Variants in FMN2 observed in about 807,000 individuals in gnomAD.
The protein encoded by FMN2 is formin 2.
FMN2 carries 51 observed loss-of-function variants against 142.3 expected under a neutral mutation model. That is an observed-to-expected ratio of 0.36 (90% CI 0.29 to 0.45). FMN2 has a LOEUF of 0.45. FMN2 is among the 20% of genes least tolerant of loss of function. FMN2 has a pLI of 1.00. For synonymous variants in FMN2, 882 were observed against 869.8 expected, an observed-to-expected ratio of 1.01 and a Z score of -0.25; for missense variants, 1,936 against 2,122.8, an observed-to-expected ratio of 0.91 and a Z score of 1.73.
intron 4 of FMN2, among the ~76,000 whole-genome samples, chr1:240,197,484 A>C (rs113487989): frequency 6.6e-6 from 1 of 152,056 alleles, no homozygotes; most frequent in Non-Finnish European, 1.5e-5. Flanking sequence ...TGTGGCTTGC[A>C]TATGAAGTGG....
intron 6 of FMN2, among the ~76,000 whole-genome samples, chr1:240,223,163 A>G (rs1382046497): frequency 5.3e-5 from 8 of 152,202 alleles, no homozygotes; most frequent in Admixed American, 3.9e-4. Flanking sequence ...CATTCCATCA[A>G]TACCTAGTTT....
chr1:240,257,341 C>G (rs1299730850), intron 6 of FMN2, among the ~76,000 whole-genome samples: 1 of 152,126 alleles, frequency 6.6e-6, no homozygotes, highest in Non-Finnish European at 1.5e-5. Context: ...TTGTATCCCT[C>G]TGTTAATTAG....
intron 8 of FMN2, among the ~76,000 whole-genome samples, chr1:240,301,784 C>T (rs1268069371): frequency 1.3e-5 from 2 of 151,746 alleles, no homozygotes; most frequent in Non-Finnish European, 1.5e-5. Context: ...CCTTCTACTG[C>T]CTTTAGGTTT....
intron 13 of FMN2, among the ~76,000 whole-genome samples, chr1:240,342,943 G>A (rs1046625949): frequency 6.6e-6 from 1 of 151,608 alleles, no homozygotes; most frequent in Non-Finnish European, 1.5e-5. Context: ...ATTGGACTTC[G>A]AAAGATCTGT....
chr1:240,288,055 C>T (rs745699869), intron 7 of FMN2, among the ~76,000 whole-genome samples: 7 of 152,150 alleles, frequency 4.6e-5, no homozygotes, highest in Non-Finnish European at 7.3e-5. Flanking sequence ...TCAGTTTATC[C>T]AGTAAAATTA....
chr1:240,319,651 T>A (rs10802860), intron 8 of FMN2, among the ~76,000 whole-genome samples: 67,753 of 151,900 alleles, frequency 0.45, 15,442 homozygotes, highest in African/African-American at 0.54. Flanking sequence ...GACTTTCCCT[T>A]ATGGAAGTGA....
chr1:240,336,551 TC>T (rs1558440204), intron 13 of FMN2, among the ~76,000 whole-genome samples: 2 of 43,068 alleles, frequency 4.6e-5, no homozygotes, highest in Non-Finnish European at 8.0e-5. Flanking sequence ...CATGGTATTC[TC>T]CAAAAAAAAA....
At chr1:240,225,105 C>T (rs1667251957) in intron 6 of FMN2, among the ~76,000 whole-genome samples, 2 of 152,144 alleles carry the variant, frequency 1.3e-5, no homozygotes, top group Admixed American at 1.3e-4. Context: ...AAACACTGAG[C>T]AAACAATAAG....
rs558007142 is a variant in FMN2, at chr1:240,471,167, C to A, written c.5061-1205C>A. ...TGTTTTCCTTGTCATATATGCTTAA[C>A]AAGAAATACTAGAAACATTAAAATG... is the stretch of plus-strand genomic sequence containing the variant. On this transcript the variant is annotated intron_variant, in intron 16 of 17. Transcript: ENST00000319653. 3.3e-5 allele frequency among the ~76,000 whole-genome samples: 5 copies of A among 152,184 alleles called. No individual in the cohort carries two copies. In the East Asian group the frequency reaches 9.7e-4, roughly 29 times the overall value.
intron 4 of FMN2, among the ~76,000 whole-genome samples, chr1:240,202,355 T>A (rs1349993560): frequency 6.6e-6 from 1 of 152,146 alleles, no homozygotes; most frequent in Non-Finnish European, 1.5e-5. Context: ...CAGTCACTAG[T>A]ATTATGACCT....
intron 15 of FMN2, among the ~76,000 whole-genome samples, chr1:240,398,006 T>C (rs1673842665): frequency 6.6e-6 from 1 of 151,588 alleles, no homozygotes; most frequent in South Asian, 2.1e-4. Flanking sequence ...ATCTTTTTTT[T>C]TTTTTTTGAG....
chr1:240,431,937 CATA>C (rs1296526382), intron 15 of FMN2, among the ~76,000 whole-genome samples: 3 of 148,306 alleles, frequency 2.0e-5, no homozygotes, highest in Non-Finnish European at 4.5e-5. Context: ...TTTTTTCTTT[CATA>C]ATATCTTTTT....
chr1:240,162,422 C>T lies in FMN2; in HGVS notation c.1783-15499C>T, dbSNP rs199985701. On this transcript the variant is annotated intron_variant, in intron 2 of 17. Coordinates refer to ENST00000319653, the MANE Select transcript of FMN2 (RefSeq NM_020066.5). ...GAAGTTGCTGTGAACCGAGATCGCA[C>T]CACTGCACTCTAGCCTGGGTGACAG... Among the ~76,000 whole-genome samples, 34 of 152,178 alleles carry T rather than the reference C, an allele frequency of 2.2e-4. No homozygotes were observed. In the East Asian group the frequency reaches 6.6e-3, roughly 29 times the overall value.
chr1:240,436,690 A>AC (rs1553264999), intron 15 of FMN2, among the ~76,000 whole-genome samples: 157 of 150,198 alleles, frequency 1.0e-3, no homozygotes, highest in African/African-American at 3.4e-3. Flanking sequence ...AAAAAAAAAA[A>AC]CTCAATATTT....
At chr1:240,173,540 G>T (rs1414511530) in intron 2 of FMN2, among the ~76,000 whole-genome samples, 5 of 152,140 alleles carry the variant, frequency 3.3e-5, no homozygotes, top group Admixed American at 3.3e-4. Context: ...CCTTGAGTGG[G>T]TAGAGCTGGA....
chr1:240,116,979 GT>G (rs1352215374), intron 1 of FMN2, among the ~76,000 whole-genome samples: 1 of 149,312 alleles, frequency 6.7e-6, no homozygotes, highest in Non-Finnish European at 1.5e-5. Flanking sequence ...TGTTCTTTCG[GT>G]TTTTTTTTTA....
chr1:240,417,986 A>G (rs1674633961), intron 15 of FMN2, among the ~76,000 whole-genome samples: 1 of 151,856 alleles, frequency 6.6e-6, no homozygotes, highest in African/African-American at 2.4e-5. Flanking sequence ...AATACACTTC[A>G]CCTTATAATC....
At chr1:240,324,181 A>G in intron 8 of FMN2, among the ~76,000 whole-genome samples, 1 of 152,266 alleles carries the variant, frequency 6.6e-6, no homozygotes, top group Non-Finnish European at 1.5e-5. Context: ...TACATTCCTA[A>G]CACTTTAGAG....
intron 3 of FMN2, among the ~76,000 whole-genome samples, chr1:240,179,836 T>A (rs1330617917): frequency 1.3e-5 from 2 of 152,202 alleles, no homozygotes; most frequent in Non-Finnish European, 2.9e-5. Context: ...CATCATTGAT[T>A]GGGTGATATT....
Sources: allele counts gnomAD v4.1 joint callset (sites outside exome capture counted in the v4.1 genomes callset), GRCh38; gene constraint gnomAD v4.1.1; transcripts MANE v1.5; gene names NCBI Gene and HGNC (gene_info 2026-07-23, HGNC 2026-07-21).